Variants in OSMR observed in about 807,000 individuals in gnomAD.
OSMR encodes oncostatin M receptor.
A neutral mutation model predicts 99.9 loss-of-function variants in OSMR; 81 were observed. The observed-to-expected ratio is 0.81, with a 90% confidence interval of 0.68 to 0.97. The LOEUF is 0.97. OSMR is among the 50% of genes least tolerant of loss of function. The pLI is 0.00. For missense variants in OSMR, 1,099 were observed against 1,153.4 expected (o/e 0.95, Z 0.68); for synonymous variants, 406 against 410.4 (o/e 0.99, Z 0.13).
intron 7 of OSMR, among the ~76,000 whole-genome samples, chr5:38,887,038 T>C (rs573155566): frequency 4.6e-5 from 7 of 152,336 alleles, no homozygotes; most frequent in African/African-American, 1.4e-4. Context: ...TTCATGATAG[T>C]CTTGAGATTG....
intron 7 of OSMR, among the ~76,000 whole-genome samples, chr5:38,902,462 A>G (rs1744956851): frequency 6.6e-6 from 1 of 152,208 alleles, no homozygotes; most frequent in African/African-American, 2.4e-5. Flanking sequence ...AAACCTCCCA[A>G]TGTCATCAGT....
chr5:38,924,251 C>T, intron 13 of OSMR, 171 bp from the exon 14 acceptor site: 4 of 951,134 alleles, frequency 4.2e-6, no homozygotes, highest in Non-Finnish European at 5.0e-6. Flanking sequence ...TCACAGCTCT[C>T]ATAAACTATG....
intron 9 of OSMR, among the ~76,000 whole-genome samples, chr5:38,908,388 G>C (rs1320297380): frequency 2.0e-5 from 3 of 152,156 alleles, no homozygotes; most frequent in African/African-American, 7.2e-5. Context: ...TACTCTCAGA[G>C]GTACCCCACC....
chr5:38,909,198 A>T (rs992618370), intron 9 of OSMR, among the ~76,000 whole-genome samples: 1 of 152,230 alleles, frequency 6.6e-6, no homozygotes, highest in African/African-American at 2.4e-5. Flanking sequence ...AAAAATAAAG[A>T]AAAAAATAAA....
At chr5:38,878,267 G>A (rs1056218104) in intron 3 of OSMR, among the ~76,000 whole-genome samples, 1 of 152,150 alleles carries the variant, frequency 6.6e-6, no homozygotes, top group Admixed American at 6.5e-5. Context: ...GGAGGATGCT[G>A]CTTCTGTTTA....
At chr5:38,923,548 A>G (rs1746331900) in intron 13 of OSMR, among the ~76,000 whole-genome samples, 1 of 152,230 alleles carries the variant, frequency 6.6e-6, no homozygotes, top group African/African-American at 2.4e-5. Context: ...TTGTAAATGA[A>G]GTCTTAAAGA....
intron 15 of OSMR, among the ~76,000 whole-genome samples, chr5:38,925,671 A>G (rs1043247029): frequency 1.3e-5 from 2 of 152,214 alleles, no homozygotes; most frequent in Non-Finnish European, 2.9e-5. Flanking sequence ...ACAATCCTGT[A>G]TGTAGTTTGA....
chr5:38,917,949 CTATT>C (rs1002566908), intron 10 of OSMR, among the ~76,000 whole-genome samples: 1 of 152,102 alleles, frequency 6.6e-6, no homozygotes, highest in East Asian at 1.9e-4. Flanking sequence ...AATAGTCATA[CTATT>C]TATATTTAAA....
At chr5:38,910,032 A>T (rs896669468) in intron 9 of OSMR, among the ~76,000 whole-genome samples, 16 of 152,206 alleles carry the variant, frequency 1.1e-4, no homozygotes, top group Non-Finnish European at 1.8e-4. Flanking sequence ...GATGCAGAAA[A>T]ATCTACCAAC....
chr5:38,895,457 A>G (rs1744446084), intron 7 of OSMR, among the ~76,000 whole-genome samples: 1 of 152,104 alleles, frequency 6.6e-6, no homozygotes, highest in South Asian at 2.1e-4. Flanking sequence ...ATGTCTATTC[A>G]GGTCTTTTGA....
chr5:38,932,443 AT>A lies in OSMR; in HGVS notation c.2295-16del. ...CCACTGTACTGTGAAATTCAGTCTC[AT>A]TTTCGCTTTTTTTTCTAGGATCAAG... On this transcript the variant is annotated intron_variant, in intron 16 of 17. Coordinates refer to ENST00000274276, the MANE Select transcript of OSMR (RefSeq NM_003999.3). The A allele has an allele frequency of 6.2e-7, 1 of 1,602,092 alleles. No individual in the cohort carries two copies. Among genetic ancestry groups the A allele is most frequent in the South Asian group, 1.1e-5 (1 of 90,806 alleles).
chr5:38,902,466 C>T (rs1027127692), intron 7 of OSMR, among the ~76,000 whole-genome samples: 1 of 152,226 alleles, frequency 6.6e-6, no homozygotes, highest in Non-Finnish European at 1.5e-5. Flanking sequence ...CTCCCAATGT[C>T]ATCAGTTTAA....
At chr5:38,864,248 C>T (rs1460449187) in intron 1 of OSMR, among the ~76,000 whole-genome samples, 2 of 151,332 alleles carry the variant, frequency 1.3e-5, no homozygotes, top group Non-Finnish European at 3.0e-5. Flanking sequence ...TTTTTCTTTT[C>T]TTTCTCTCTT....
chr5:38,882,075 T>C (rs1743332244), intron 4 of OSMR, among the ~76,000 whole-genome samples: 1 of 152,214 alleles, frequency 6.6e-6, no homozygotes, highest in South Asian at 2.1e-4. Context: ...AAATTGTACA[T>C]ATGTATTTAT....
At chr5:38,897,742 T>C (rs904599515) in intron 7 of OSMR, among the ~76,000 whole-genome samples, 1 of 152,136 alleles carries the variant, frequency 6.6e-6, no homozygotes, top group African/African-American at 2.4e-5. Flanking sequence ...TCTGTTTTGA[T>C]GTGGGCACTT....
intron 12 of OSMR, 60 bp downstream of exon 12, chr5:38,921,854 G>A (rs1179003114): frequency 7.1e-6 from 10 of 1,417,324 alleles, no homozygotes; most frequent in Non-Finnish European, 1.0e-5. Flanking sequence ...AGTTCAAGTG[G>A]GATTTCTGGA....
chr5:38,928,533 A>G (rs1332265529), intron 15 of OSMR, among the ~76,000 whole-genome samples: 1 of 152,150 alleles, frequency 6.6e-6, no homozygotes, highest in Non-Finnish European at 1.5e-5. Context: ...AAAGCCCCTT[A>G]TAAAACCATC....
chr5:38,905,818 G>A (rs1017355402), intron 9 of OSMR, among the ~76,000 whole-genome samples: 1 of 152,188 alleles, frequency 6.6e-6, no homozygotes, highest in Non-Finnish European at 1.5e-5. Flanking sequence ...CCAAAGGAAG[G>A]ATTATACATA....
intron 10 of OSMR, 89 bp downstream of exon 10, chr5:38,917,711 G>T (rs1429978983): frequency 1.4e-5 from 15 of 1,075,048 alleles, no homozygotes; most frequent in South Asian, 1.4e-4. Flanking sequence ...ACTGTGGATT[G>T]GTTCAGTGTC....
Sources: allele counts gnomAD v4.1 joint callset (sites outside exome capture counted in the v4.1 genomes callset), GRCh38; gene constraint gnomAD v4.1.1; transcripts MANE v1.5; gene names NCBI Gene and HGNC (gene_info 2026-07-23, HGNC 2026-07-21).